Variants in HEXB observed in about 807,000 individuals in gnomAD.
The protein encoded by HEXB is beta-hexosaminidase subunit beta.
A neutral mutation model predicts 71.2 loss-of-function variants in HEXB; 51 were observed. The ratio of observed to expected loss-of-function variants is 0.72; its 90% confidence interval spans 0.57 to 0.90. The LOEUF is 0.90. HEXB is among the 40% of genes least tolerant of loss of function. The probability of loss-of-function intolerance (pLI) is 0.00; values close to 1 mark genes in which losing one functional copy is unlikely to be tolerated. For synonymous variants in HEXB, 266 were observed against 249.3 expected (o/e 1.07, Z -0.63); for missense variants, 617 against 677.0 (o/e 0.91, Z 0.98).
chr5:74,659,436 G>C (rs1047352718), intron 1 of HEXB, among the ~76,000 whole-genome samples: 11 of 152,184 alleles, frequency 7.2e-5, no homozygotes, highest in African/African-American at 2.7e-4. Context: ...CTGTCTCAGG[G>C]AAATTACAAA....
At chr5:74,651,602 GGGACATCACTTAAAGGA>G (rs1286759830) in intron 1 of HEXB, among the ~76,000 whole-genome samples, 1 of 152,094 alleles carries the variant, frequency 6.6e-6, no homozygotes. Context: ...ACCACATTCA[GGGACATCACTTAAAGGA>G]GGATTCCCCC....
At chr5:74,710,772 A>G (rs1202284080) in intron 6 of HEXB, among the ~76,000 whole-genome samples, 3 of 151,144 alleles carry the variant, frequency 2.0e-5, no homozygotes, top group Non-Finnish European at 3.0e-5. Context: ...CCACTGCTCA[A>G]TGAAATAAAA....
At chr5:74,680,628 T>G (rs1209352435), upstream of HEXB, among the ~76,000 whole-genome samples, 1 of 152,188 alleles carries the variant, frequency 6.6e-6, no homozygotes, top group African/African-American at 2.4e-5. Context: ...AGTATACTCC[T>G]CCCTTCAAAA....
intron 1 of HEXB, among the ~76,000 whole-genome samples, chr5:74,651,047 A>G (rs1748097718): frequency 6.6e-6 from 1 of 152,226 alleles, no homozygotes; most frequent in Non-Finnish European, 1.5e-5. Flanking sequence ...TAATTTTCAT[A>G]AAGCAAGTTT....
intron 3 of HEXB, among the ~76,000 whole-genome samples, chr5:74,693,941 C>G (rs1435402916): frequency 6.6e-6 from 1 of 152,146 alleles, no homozygotes; most frequent in Non-Finnish European, 1.5e-5. Flanking sequence ...TGATGATTGC[C>G]TGAGCTCAGA....
chr5:74,682,889 A>C (rs1260649910), upstream of HEXB, among the ~76,000 whole-genome samples: 1 of 152,232 alleles, frequency 6.6e-6, no homozygotes, highest in Non-Finnish European at 1.5e-5. Flanking sequence ...GATTAACACA[A>C]GGAAAGCATA....
chr5:74,658,169 T>C (rs1399983150), intron 1 of HEXB, among the ~76,000 whole-genome samples: 7 of 152,110 alleles, frequency 4.6e-5, no homozygotes, highest in African/African-American at 1.4e-4. Context: ...CACATGTGCC[T>C]CCCAGCATTA....
At chr5:74,669,963 G>A (rs574196596) in intron 1 of HEXB, among the ~76,000 whole-genome samples, 1 of 152,308 alleles carries the variant, frequency 6.6e-6, no homozygotes, top group South Asian at 2.1e-4. Flanking sequence ...TGTGGAAGAC[G>A]TGTTGATAGC....
At chr5:74,697,727 C>CA (rs34363294) in intron 5 of HEXB, among the ~76,000 whole-genome samples, 73,407 of 110,258 alleles carry the variant, frequency 0.67, 24,408 homozygotes, top group Non-Finnish European at 0.73. Flanking sequence ...GACTCTGTCT[C>CA]AAAAAAAAAA....
intron 1 of HEXB, among the ~76,000 whole-genome samples, chr5:74,674,021 CAAAGGAATG>C (rs1748586031): frequency 6.6e-6 from 1 of 151,998 alleles, no homozygotes; most frequent in Non-Finnish European, 1.5e-5. Flanking sequence ...ACACCAACTC[CAAAGGAATG>C]GAGTTGGCAT....
In HEXB at chr5:74,721,230, A is replaced by AAATCATGTAAAAT. The variant is rs1240496457; in HGVS notation, c.*58_*70dup. On this transcript the variant is annotated 3_prime_UTR_variant, in exon 14 of 14. Transcript: ENST00000261416. ...CTGTACTACAATCAACTTTATTTTG[A>AAATCATGTAAAAT]AATCATGTAAAATAAGATATTAGAC... The AAATCATGTAAAAT allele has an allele frequency of 1.3e-5, 17 of 1,295,542 alleles. No homozygotes were observed. In the African/African-American group the frequency reaches 2.2e-4, roughly 17 times the overall value. 80.3% of individuals were successfully genotyped at this position (1,295,542 alleles called of 1,614,324 possible). A position where few individuals can be genotyped will look rare whatever the true frequency, so the allele number is the denominator to read the frequency against.
intron 1 of HEXB, among the ~76,000 whole-genome samples, chr5:74,642,970 G>A (rs996448781): frequency 5.3e-5 from 8 of 152,204 alleles, no homozygotes; most frequent in African/African-American, 1.7e-4. Flanking sequence ...AATGCATTCA[G>A]TGACCGTATA....
intron 1 of HEXB, among the ~76,000 whole-genome samples, chr5:74,646,892 C>G (rs1275503351): frequency 6.6e-6 from 1 of 152,104 alleles, no homozygotes; most frequent in Non-Finnish European, 1.5e-5. Context: ...TTCTCCATTA[C>G]TTTAAAAAAC....
At position 74,644,764 on chromosome 5, in the gene HEXB, C is replaced by CTTTTTTTTT. The variant is rs3058406; in HGVS notation, c.-377+4223_-377+4231dup. ...GAGAGTATTCTTCCTCTTTTTTTTC[C>CTTTTTTTTT]TTTTTTTTTTTTTTTTTTTTTTTTT... On this transcript the variant is annotated intron_variant, in intron 1 of 13. Coordinates refer to the HEXB transcript ENST00000511181. 9.5e-4 allele frequency among the ~76,000 whole-genome samples: 69 copies of CTTTTTTTTT among 72,962 alleles called. 2 individuals carry two copies. The highest frequency in any genetic ancestry group is 1.9e-3 in the African/African-American group (33 of 17,780). 47.9% of individuals were successfully genotyped at this position (72,962 alleles called of 152,430 possible). A position where few individuals can be genotyped will look rare whatever the true frequency, so the allele number is the denominator to read the frequency against.
Position 74,720,625 on chromosome 5 carries a change from G to A in HEXB, c.1509-18G>A. On this transcript the variant is annotated intron_variant, in intron 12 of 13. Transcript: ENST00000261416. ...AAATTTAAACTGCTTGCGGGGGGAT[G>A]TGTGATTTAAATTTTAGGCCTCGGG... 1.2e-6 allele frequency: 2 copies of A among 1,609,894 alleles called. No homozygotes were observed. Among genetic ancestry groups the A allele is most frequent in the African/African-American group, 1.3e-5 (1 of 74,976 alleles).
chr5:74,720,244 G>A (rs181481280), intron 11 of HEXB, 184 bp from the exon 12 acceptor site: 3 of 620,944 alleles, frequency 4.8e-6, no homozygotes, highest in East Asian at 5.7e-5. Flanking sequence ...ATTTTTTTGG[G>A]GGGTGGGGGA....
chr5:74,703,500 C>A (rs1173948865), intron 5 of HEXB, among the ~76,000 whole-genome samples: 2 of 152,166 alleles, frequency 1.3e-5, no homozygotes, highest in Admixed American at 6.5e-5. Flanking sequence ...CTCATTGCTA[C>A]TAGGATGTCA....
chr5:74,650,533 A>T (rs1335215635), intron 1 of HEXB, among the ~76,000 whole-genome samples: 1 of 152,138 alleles, frequency 6.6e-6, no homozygotes, highest in Non-Finnish European at 1.5e-5. Flanking sequence ...AGGGGGTTGG[A>T]GGTGTCAGGG....
In HEXB at chr5:74,721,278, T is replaced by TATTG. The variant is rs771215231; in HGVS notation, c.*109_*112dup. On this transcript the variant is annotated 3_prime_UTR_variant, in exon 14 of 14. Coordinates refer to ENST00000261416, the MANE Select transcript of HEXB (RefSeq NM_000521.4). Reference sequence around the variant, plus strand: ...GACTGTTTTTTGAATAAAATATTTTTATTGATTGAACCTTTGACCCTCTAT... The same window carrying TATTG: ...GACTGTTTTTTGAATAAAATATTTTTATTGATTGATTGAACCTTTGACCCTCTAT... 53 of 978,306 alleles carry TATTG rather than the reference T, an allele frequency of 5.4e-5. No individual in the cohort carries two copies. The South Asian group carries it at 5.8e-4, about 11-fold the overall frequency. 60.6% of individuals were successfully genotyped at this position (978,306 alleles called of 1,614,324 possible).
Sources: gnomAD v4.1 joint callset for allele counts (sites outside exome capture counted in the v4.1 genomes callset) on GRCh38, gnomAD v4.1.1 for gene constraint, MANE v1.5 for transcripts, NCBI Gene and HGNC (gene_info 2026-07-23, HGNC 2026-07-21) for gene names.